The following KALRN variants were observed in gnomAD, a reference collection of about 807,000 sequenced individuals.
KALRN encodes the protein kalirin RhoGEF kinase.
Under a neutral mutation model 353.7 loss-of-function variants are expected in KALRN, and 70 were observed. The observed-to-expected ratio is 0.20, with a 90% CI of 0.16 to 0.24. The LOEUF is 0.24. Ranked by LOEUF, KALRN falls within the 10% of genes least tolerant of loss-of-function variation. The pLI, the probability that KALRN is intolerant of heterozygous loss-of-function variation, is 1.00. For synonymous variants in KALRN, 1,391 were observed against 1,434.8 expected, an observed-to-expected ratio of 0.97 and a Z score of 0.69; for missense variants, 2,791 against 3,756.7, an observed-to-expected ratio of 0.74 and a Z score of 6.72.
chr3:124,414,204 A>C (rs1576724060), intron 14 of KALRN, among the ~76,000 whole-genome samples: 1 of 152,222 alleles, frequency 6.6e-6, no homozygotes, highest in Non-Finnish European at 1.5e-5. Context: ...CCTGGTCTGC[A>C]GACAGAGTGA....
intron 18 of KALRN, among the ~76,000 whole-genome samples, 163 bp downstream of exon 18, chr3:124,439,200 T>A (rs200775454): frequency 0.12 from 11,605 of 98,738 alleles, 750 homozygotes; most frequent in East Asian, 0.29. Context: ...TCTCTCTCTC[T>A]CACACACACA....
intron 10 of KALRN, among the ~76,000 whole-genome samples, chr3:124,355,333 A>T (rs1374344078): frequency 1.3e-5 from 2 of 152,200 alleles, no homozygotes; most frequent in Admixed American, 6.5e-5. Flanking sequence ...TCACATGTGG[A>T]AAATTGCGCC....
At chr3:124,634,511 A>C (rs2081143161) in intron 36 of KALRN, among the ~76,000 whole-genome samples, 1 of 152,228 alleles carries the variant, frequency 6.6e-6, no homozygotes, top group South Asian at 2.1e-4. Flanking sequence ...GCCCGCTGGC[A>C]TGCATAGGCT....
intron 1 of KALRN, among the ~76,000 whole-genome samples, chr3:124,084,142 G>A (rs1577897128): frequency 6.6e-6 from 1 of 152,236 alleles, no homozygotes; most frequent in East Asian, 1.9e-4. Context: ...CACTGTGTGT[G>A]GTTGTTGGAG....
chr3:124,399,506 G>A (rs956216053), intron 13 of KALRN, among the ~76,000 whole-genome samples: 2 of 152,192 alleles, frequency 1.3e-5, no homozygotes, highest in African/African-American at 4.8e-5. Context: ...CCATGGAGCT[G>A]GTAGTTTGCT....
intron 1 of KALRN, among the ~76,000 whole-genome samples, chr3:124,225,250 A>T (rs1184197539): frequency 6.6e-6 from 1 of 152,236 alleles, no homozygotes; most frequent in African/African-American, 2.4e-5. Context: ...CATAATACAT[A>T]TATTGTTCAA....
At chr3:124,298,357 G>T (rs1331623282) in intron 5 of KALRN, among the ~76,000 whole-genome samples, 5 of 152,192 alleles carry the variant, frequency 3.3e-5, no homozygotes, top group Non-Finnish European at 7.3e-5. Context: ...TGGCTGGGCA[G>T]TGTATAAGGG....
chr3:124,501,397 A>G (rs1044351761), intron 33 of KALRN, among the ~76,000 whole-genome samples: 4 of 152,194 alleles, frequency 2.6e-5, no homozygotes, highest in Non-Finnish European at 5.9e-5. Flanking sequence ...ATATAACTCA[A>G]TGGTTTTTAA....
chr3:124,375,159 C>T (rs1184176256), intron 10 of KALRN, among the ~76,000 whole-genome samples: 1 of 152,042 alleles, frequency 6.6e-6, no homozygotes, highest in East Asian at 1.9e-4. Context: ...TATCAAATTC[C>T]AGGAGAGATG....
At chr3:124,039,129 G>A (rs766143251) in intron 1 of KALRN, among the ~76,000 whole-genome samples, 2 of 152,178 alleles carry the variant, frequency 1.3e-5, no homozygotes, top group Non-Finnish European at 2.9e-5. Flanking sequence ...TGCCTTCAGG[G>A]TCAAGTGTCG....
intron 5 of KALRN, among the ~76,000 whole-genome samples, chr3:124,287,146 A>G (rs2075986627): frequency 6.6e-6 from 1 of 152,158 alleles, no homozygotes; most frequent in African/African-American, 2.4e-5. Context: ...ATGAATGCCC[A>G]GAGAGCTCAT....
intron 1 of KALRN, among the ~76,000 whole-genome samples, chr3:124,151,386 G>A (rs1036709401): frequency 2.9e-4 from 44 of 152,340 alleles, no homozygotes; most frequent in African/African-American, 1.1e-3. Flanking sequence ...TGCTAGGTAT[G>A]TGGTAGTGTC....
intron 5 of KALRN, among the ~76,000 whole-genome samples, chr3:124,289,687 CTA>C (rs1489997983): frequency 1.3e-5 from 2 of 152,150 alleles, no homozygotes; most frequent in Admixed American, 6.5e-5. Flanking sequence ...CAGATGGACA[CTA>C]GAGTCCAATT....
intron 1 of KALRN, among the ~76,000 whole-genome samples, chr3:124,156,088 G>T (rs2068944337): frequency 6.6e-6 from 1 of 152,162 alleles, no homozygotes. Flanking sequence ...TTCATCCAGA[G>T]AATACAGCTT....
chr3:124,167,148 G>A (rs965727850), intron 1 of KALRN, among the ~76,000 whole-genome samples: 3 of 152,166 alleles, frequency 2.0e-5, no homozygotes, highest in African/African-American at 7.2e-5. Context: ...AGTAAACCCT[G>A]TGTCCTTGCA....
chr3:124,705,930 AG>A (rs2062590638), intron 57 of KALRN, among the ~76,000 whole-genome samples: 1 of 142,568 alleles, frequency 7.0e-6, no homozygotes, highest in Admixed American at 7.5e-5. Context: ...TTGTTGTTTT[AG>A]GACAGGGTCT....
intron 37 of KALRN, among the ~76,000 whole-genome samples, chr3:124,643,052 C>A (rs1611980): frequency 4.0e-5 from 6 of 151,870 alleles, no homozygotes; most frequent in African/African-American, 9.7e-5. Flanking sequence ...CTCAACCTCA[C>A]GTGATCCGCC....
At chr3:124,709,309 G>A (rs1391329360) in intron 57 of KALRN, among the ~76,000 whole-genome samples, 1 of 152,142 alleles carries the variant, frequency 6.6e-6, no homozygotes, top group African/African-American at 2.4e-5. Flanking sequence ...ACAGAGTCTT[G>A]CTCTTTCACC....
intron 1 of KALRN, among the ~76,000 whole-genome samples, chr3:124,140,524 C>T (rs1234269304): frequency 5.3e-5 from 8 of 152,296 alleles, no homozygotes; most frequent in East Asian, 3.9e-4. Flanking sequence ...TCTCTGAATC[C>T]AAAATCTTAT....
Sources: allele counts gnomAD v4.1 joint callset (sites outside exome capture counted in the v4.1 genomes callset), GRCh38; gene constraint gnomAD v4.1.1; transcripts MANE v1.5; gene names NCBI Gene and HGNC (gene_info 2026-07-23, HGNC 2026-07-21).